FRY: variants seen among roughly 807,000 people sequenced by gnomAD.
The protein encoded by FRY is FRY microtubule binding protein, also known as protein furry homolog.
Under a neutral mutation model 348.4 loss-of-function variants are expected in FRY, and 128 were observed. The observed-to-expected ratio is 0.37, with a 90% confidence interval of 0.32 to 0.43. FRY has a LOEUF of 0.43. Among genes scored for constraint, FRY ranks in the 20% least tolerant of loss-of-function variants. The probability of loss-of-function intolerance (pLI) is 1.00; values close to 1 mark genes in which losing one functional copy is unlikely to be tolerated. For synonymous variants in FRY, 1,370 were observed against 1,374.7 expected (o/e 1.00, Z 0.08); for missense variants, 2,736 against 3,695.2 (o/e 0.74, Z 6.73).
intron 24 of FRY, among the ~76,000 whole-genome samples, chr13:32,183,649 G>A (rs182879938): frequency 3.3e-5 from 5 of 152,028 alleles, no homozygotes; most frequent in Non-Finnish European, 5.9e-5. Context: ...GGTGGCACGC[G>A]CCTGTAGTCC....
intron 14 of FRY, among the ~76,000 whole-genome samples, chr13:32,153,520 A>C (rs966838130): frequency 4.6e-5 from 7 of 152,188 alleles, no homozygotes; most frequent in Admixed American, 1.3e-4. Context: ...GTCAGGTGCT[A>C]GGGTTAGGAG....
chr13:32,248,640 T>C lies in FRY; in HGVS notation c.7009-886T>C, dbSNP rs148746099. ...TACAATGGTCCTCACTGACCTTTCA[T>C]CATTTCAGTATTCAGGATGAGATAC... On this transcript the variant is annotated intron_variant, in intron 48 of 60. Coordinates refer to ENST00000542859, the MANE Select transcript of FRY (RefSeq NM_023037.3). Among the ~76,000 whole-genome samples the C allele has an allele frequency of 6.2e-3, 946 of 152,350 alleles. 6 individuals are homozygous for C. Among genetic ancestry groups the C allele is most frequent in the African/African-American group, 0.022 (913 of 41,580 alleles).
rs774712826 is a variant in FRY at position 32,254,206 on chromosome 13, A to C, written c.7246-18A>C. The C allele has an allele frequency of 9.3e-6, 15 of 1,612,870 alleles. No individual in the cohort carries two copies. In the South Asian group the frequency reaches 1.6e-4, roughly 18 times the overall value. ...CAAAGGGAGAACGGTTTCTCAGGAG[A>C]GGACTCTTGATTCGCAGGTGATTTT... On this transcript the variant is annotated intron_variant, in intron 50 of 60. Transcript: ENST00000542859.
chr13:32,246,016 T>TA (rs1227680339), intron 47 of FRY, among the ~76,000 whole-genome samples: 5 of 152,222 alleles, frequency 3.3e-5, no homozygotes, highest in Non-Finnish European at 5.9e-5. Context: ...GCATCATACT[T>TA]ACACCACATA....
intron 51 of FRY, among the ~76,000 whole-genome samples, chr13:32,260,828 A>G (rs1227312217): frequency 6.8e-6 from 1 of 147,884 alleles, no homozygotes; most frequent in Non-Finnish European, 1.5e-5. Flanking sequence ...CTCAAAAGAA[A>G]AAAACAAAAA....
Position 32,179,386 on chromosome 13 carries a change from T to A in FRY, c.2872-289T>A, listed in dbSNP as rs1054765857. Reference sequence around the variant, plus strand: ...AATCATGCCTTGATTAAATAAATTATCTTGTTAAAGATAGCTTTATAGACT... The same window carrying A: ...AATCATGCCTTGATTAAATAAATTAACTTGTTAAAGATAGCTTTATAGACT... On this transcript the variant is annotated intron_variant, in intron 22 of 60. Transcript: ENST00000542859. Among the ~76,000 whole-genome samples, 16 of 152,168 alleles carry A rather than the reference T, an allele frequency of 1.1e-4. 1 individual carries two copies. The highest frequency in any genetic ancestry group is 7.9e-4 in the Admixed American group (12 of 15,272).
intron 1 of FRY, among the ~76,000 whole-genome samples, chr13:32,068,646 T>C (rs761177054): frequency 7.9e-5 from 12 of 152,210 alleles, no homozygotes; most frequent in Non-Finnish European, 1.6e-4. Flanking sequence ...AGACACTTGT[T>C]GCTAACTTTC....
At chr13:32,275,161 A>T in intron 56 of FRY, 170 bp downstream of exon 56, 1 of 608,668 alleles carries the variant, frequency 1.6e-6, no homozygotes. Context: ...GGCGGATCAC[A>T]AGGTCAGGAG....
At chr13:32,114,315 C>G (rs1204029127) in intron 3 of FRY, among the ~76,000 whole-genome samples, 5 of 152,140 alleles carry the variant, frequency 3.3e-5, no homozygotes, top group Admixed American at 1.3e-4. Context: ...GTACTTTTGT[C>G]ACAACTAAGA....
chr13:32,291,620 G>T (rs961440733), intron 59 of FRY, among the ~76,000 whole-genome samples: 19 of 152,158 alleles, frequency 1.2e-4, no homozygotes, highest in African/African-American at 4.3e-4. Context: ...GGTCAGGCTG[G>T]TCTCAAACTC....
chr13:32,140,698 G>A (rs1880010369), intron 11 of FRY, among the ~76,000 whole-genome samples: 1 of 152,070 alleles, frequency 6.6e-6, no homozygotes, highest in South Asian at 2.1e-4. Flanking sequence ...GTACAAGCAG[G>A]GTATTTGATT....
At chr13:32,081,514 G>A (rs1182565737) in intron 2 of FRY, among the ~76,000 whole-genome samples, 4 of 151,980 alleles carry the variant, frequency 2.6e-5, no homozygotes, top group Non-Finnish European at 5.9e-5. Context: ...TAGTAGAGAC[G>A]GAGTTTCACC....
chr13:32,063,653 A>G (rs1874074942), intron 1 of FRY, among the ~76,000 whole-genome samples: 2 of 152,152 alleles, frequency 1.3e-5, no homozygotes, highest in South Asian at 4.1e-4. Flanking sequence ...GTCGGCACCC[A>G]CTAAATTATT....
intron 13 of FRY, 49 bp downstream of exon 13, chr13:32,147,996 A>C: frequency 9.7e-7 from 1 of 1,025,838 alleles, no homozygotes; most frequent in Admixed American, 1.7e-5. Context: ...GTTTTTCAGC[A>C]GCCAGCCTCC....
intron 14 of FRY, among the ~76,000 whole-genome samples, chr13:32,153,980 A>G (rs1880954389): frequency 1.3e-5 from 2 of 152,178 alleles, no homozygotes; most frequent in South Asian, 2.1e-4. Context: ...AAACTATCCC[A>G]TCTTATTTCT....
At chr13:32,208,140 A>G (rs1255057744) in intron 31 of FRY, among the ~76,000 whole-genome samples, 1 of 152,224 alleles carries the variant, frequency 6.6e-6, no homozygotes, top group Non-Finnish European at 1.5e-5. Context: ...CTCACAGGGG[A>G]CACACAGCCC....
chr13:32,060,198 G>A (rs1301248988), intron 1 of FRY, among the ~76,000 whole-genome samples: 6 of 152,166 alleles, frequency 3.9e-5, no homozygotes, highest in African/African-American at 1.4e-4. Context: ...CAGAAATAAT[G>A]CCCATAGAAA....
chr13:32,234,345 C>T (rs1886099220), intron 41 of FRY, among the ~76,000 whole-genome samples: 1 of 151,884 alleles, frequency 6.6e-6, no homozygotes, highest in Non-Finnish European at 1.5e-5. Context: ...ATCACTTGAG[C>T]CCAGGAGGTA....
At chr13:32,056,348 A>G (rs138115983) in intron 1 of FRY, among the ~76,000 whole-genome samples, 1 of 152,182 alleles carries the variant, frequency 6.6e-6, no homozygotes, top group African/African-American at 2.4e-5. Context: ...GCTTGCTGTC[A>G]GAGGTACCCT....
Sources: gnomAD v4.1 joint callset for allele counts (sites outside exome capture counted in the v4.1 genomes callset) on GRCh38, gnomAD v4.1.1 for gene constraint, MANE v1.5 for transcripts, NCBI Gene and HGNC (gene_info 2026-07-23, HGNC 2026-07-21) for gene names.